The following DYNC1I1 variants were observed in gnomAD, a reference collection of about 807,000 sequenced individuals.
DYNC1I1 encodes cytoplasmic dynein 1 intermediate chain 1.
A neutral mutation model predicts 86.6 loss-of-function variants in DYNC1I1; 43 were observed. The observed-to-expected ratio is 0.50, with a 90% CI of 0.39 to 0.64. The LOEUF is 0.64. Ranked by LOEUF, DYNC1I1 falls within the 30% of genes least tolerant of loss-of-function variation. DYNC1I1 has a pLI of 0.00. For synonymous variants in DYNC1I1, 262 were observed against 283.7 expected, an observed-to-expected ratio of 0.92 and a Z score of 0.77; for missense variants, 604 against 788.8, an observed-to-expected ratio of 0.77 and a Z score of 2.81.
chr7:96,097,381 G>A (rs1791045851), intron 16 of DYNC1I1, 102 bp from the exon 17 acceptor site: 1 of 1,275,380 alleles, frequency 7.8e-7, no homozygotes, highest in Non-Finnish European at 1.1e-6. Flanking sequence ...GGAAACATCT[G>A]CTTTGGAGGG....
chr7:95,851,508 G>T (rs1264363610), intron 5 of DYNC1I1, among the ~76,000 whole-genome samples: 1 of 151,806 alleles, frequency 6.6e-6, no homozygotes, highest in African/African-American at 2.4e-5. Flanking sequence ...ATAAAGAGGG[G>T]CTACTGTATT....
intron 9 of DYNC1I1, 96 bp from the exon 10 acceptor site, chr7:95,995,852 T>A: frequency 6.7e-7 from 1 of 1,484,842 alleles, no homozygotes; most frequent in South Asian, 1.4e-5. Flanking sequence ...AAGCACCATT[T>A]ACACTGTGTA....
chr7:96,002,059 C>T (rs970588536), intron 10 of DYNC1I1, among the ~76,000 whole-genome samples: 1 of 152,168 alleles, frequency 6.6e-6, no homozygotes, highest in African/African-American at 2.4e-5. Context: ...TTGACCCATT[C>T]ATTTGTTCAT....
Position 95,840,687 on chromosome 7 carries a change from A to G in DYNC1I1, c.374+12571A>G, listed in dbSNP as rs557673552. Among the ~76,000 whole-genome samples the G allele has an allele frequency of 8.5e-5, 13 of 152,342 alleles. No individual in the cohort carries two copies. The South Asian group carries it at 1.0e-3, about 12-fold the overall frequency. ...TCTTAGTCTTCACAGACTGATGTCT[A>G]TAAGAGTCAATCTTCATCCATTAGG... On this transcript the variant is annotated intron_variant, in intron 5 of 16. Transcript: ENST00000447467.
chr7:95,827,647 C>T (rs1795230027), intron 4 of DYNC1I1, among the ~76,000 whole-genome samples: 1 of 152,130 alleles, frequency 6.6e-6, no homozygotes, highest in Admixed American at 6.5e-5. Flanking sequence ...CATTTGCACC[C>T]TTGCGTTTAG....
chr7:96,035,115 A>G (rs1794899896), intron 12 of DYNC1I1, among the ~76,000 whole-genome samples: 1 of 152,230 alleles, frequency 6.6e-6, no homozygotes. Context: ...GCTGCCCTGC[A>G]TGAAATCTAG....
intron 10 of DYNC1I1, among the ~76,000 whole-genome samples, chr7:96,017,752 A>G (rs1794438303): frequency 6.6e-6 from 1 of 152,182 alleles, no homozygotes; most frequent in South Asian, 2.1e-4. Flanking sequence ...TCATATAATT[A>G]TTTTGAGGAA....
chr7:95,875,919 T>C (rs1562930346), intron 6 of DYNC1I1, among the ~76,000 whole-genome samples: 1 of 151,536 alleles, frequency 6.6e-6, no homozygotes, highest in Non-Finnish European at 1.5e-5. Context: ...ATCCTAGAGG[T>C]CTACCTTCAG....
intron 5 of DYNC1I1, among the ~76,000 whole-genome samples, chr7:95,865,478 C>T (rs1040258947): frequency 7.9e-5 from 12 of 152,138 alleles, no homozygotes; most frequent in South Asian, 6.2e-4. Flanking sequence ...ATGTACCTGA[C>T]GCTAAACTAA....
intron 6 of DYNC1I1, among the ~76,000 whole-genome samples, chr7:95,949,974 C>CT (rs59942915): frequency 7.3e-5 from 11 of 149,922 alleles, no homozygotes; most frequent in East Asian, 1.9e-4. Context: ...TCTCATCTTT[C>CT]TTTTTTTTTT....
At chr7:95,997,583 TTGTGTGTGTG>T (rs34117329) in intron 10 of DYNC1I1, among the ~76,000 whole-genome samples, 113 of 142,852 alleles carry the variant, frequency 7.9e-4, no homozygotes, top group Admixed American at 2.1e-3. Flanking sequence ...AAGGGCATTC[TTGTGTGTGTG>T]TGTGTGTGTG....
At chr7:95,813,106 T>TTTCTTTATCCCC in intron 3 of DYNC1I1, 141 bp from the exon 4 acceptor site, 1 of 1,413,174 alleles carries the variant, frequency 7.1e-7, no homozygotes. Flanking sequence ...TTTTTTTTTT[T>TTTCTTTATCCCC]TCTTTATCCC....
Position 95,827,484 on chromosome 7 carries a change from G to GA in DYNC1I1, c.315-570dup, listed in dbSNP as rs562372595. Reference sequence around the variant, plus strand: ...TAATCAATCCCTGACATCTTAGACAGAAATGATATTGTTGGTGACCATCTT... The same window carrying GA: ...TAATCAATCCCTGACATCTTAGACAGAAAATGATATTGTTGGTGACCATCTT... On this transcript the variant is annotated intron_variant, in intron 4 of 16. Coordinates refer to ENST00000447467, the MANE Select transcript of DYNC1I1 (RefSeq NM_001135556.2). Among the ~76,000 whole-genome samples the GA allele has an allele frequency of 7.9e-5, 12 of 152,292 alleles. No individual in the cohort carries two copies. In the East Asian group the frequency reaches 2.3e-3, roughly 29 times the overall value.
chr7:96,105,726 T>G (rs56241823), intron 16 of DYNC1I1, among the ~76,000 whole-genome samples: 36 of 152,298 alleles, frequency 2.4e-4, no homozygotes, highest in African/African-American at 8.7e-4. Flanking sequence ...GTATTACTTC[T>G]TTCTTAAATG....
At chr7:96,007,563 G>C (rs961668441) in intron 10 of DYNC1I1, among the ~76,000 whole-genome samples, 2 of 152,192 alleles carry the variant, frequency 1.3e-5, no homozygotes, top group Non-Finnish European at 2.9e-5. Flanking sequence ...AAAATTCGGA[G>C]ATAGCAAAGA....
chr7:96,020,749 A>G (rs962130592), intron 10 of DYNC1I1, among the ~76,000 whole-genome samples: 2 of 152,226 alleles, frequency 1.3e-5, no homozygotes, highest in African/African-American at 4.8e-5. Flanking sequence ...GAAAGTGTCC[A>G]TTGATGAATG....
At chr7:95,871,211 A>G (rs538600682) in intron 6 of DYNC1I1, among the ~76,000 whole-genome samples, 33 of 152,294 alleles carry the variant, frequency 2.2e-4, no homozygotes, top group Non-Finnish European at 3.8e-4. Context: ...ACAGTTCTTC[A>G]GTAGCAGGGC....
intron 10 of DYNC1I1, among the ~76,000 whole-genome samples, chr7:96,017,229 A>T (rs1023531755): frequency 6.6e-6 from 1 of 152,220 alleles, no homozygotes; most frequent in African/African-American, 2.4e-5. Flanking sequence ...GGATTTAGAC[A>T]TTTGATTTAA....
intron 6 of DYNC1I1, among the ~76,000 whole-genome samples, chr7:95,946,153 G>C (rs968324138): frequency 2.6e-5 from 4 of 151,936 alleles, no homozygotes; most frequent in Admixed American, 1.3e-4. Flanking sequence ...GGCCTGTCAG[G>C]GGGGCAGGGG....
Sources: gnomAD v4.1 joint callset for allele counts (sites outside exome capture counted in the v4.1 genomes callset) on GRCh38, gnomAD v4.1.1 for gene constraint, MANE v1.5 for transcripts, NCBI Gene and HGNC (gene_info 2026-07-23, HGNC 2026-07-21) for gene names.